Variants in EXOC4 observed in about 807,000 individuals in gnomAD.
EXOC4 encodes the protein SEC8-like 1.
In EXOC4, 71 loss-of-function variants were observed where a neutral mutation model predicts 107.2. That is an observed-to-expected ratio of 0.66 (90% CI 0.55 to 0.81). The LOEUF (loss-of-function observed/expected upper bound fraction) is 0.81, where lower values mean the gene tolerates loss of function less well. EXOC4 is among the 30% of genes least tolerant of loss of function. EXOC4 has a pLI of 0.00. For synonymous variants in EXOC4, 456 were observed against 441.2 expected, an observed-to-expected ratio of 1.03 and a Z score of -0.42; for missense variants, 1,108 against 1,189.6, an observed-to-expected ratio of 0.93 and a Z score of 1.01.
At chr7:133,839,546 C>T (rs1173483428) in intron 11 of EXOC4, among the ~76,000 whole-genome samples, 1 of 151,980 alleles carries the variant, frequency 6.6e-6, no homozygotes, top group South Asian at 2.1e-4. Context: ...ATTTGCCTAC[C>T]AGTAATAGGG....
chr7:133,957,834 A>G (rs986612549), intron 14 of EXOC4, among the ~76,000 whole-genome samples: 2 of 152,224 alleles, frequency 1.3e-5, no homozygotes, highest in African/African-American at 4.8e-5. Context: ...TTAATTAGCC[A>G]TGTTGCAATC....
chr7:133,669,004 A>ATTTTTTTTTTT (rs58354607), intron 10 of EXOC4, among the ~76,000 whole-genome samples: 2 of 118,450 alleles, frequency 1.7e-5, no homozygotes, highest in Non-Finnish European at 3.4e-5. Context: ...TGTTCTCCCA[A>ATTTTTTTTTTT]TTTTTTTTTT....
rs199530793 is a variant in EXOC4, at chr7:133,537,993, G to GT, written c.1417+57863dup. ...AGGAACAACTACAAGAGCTTTCCCT[G>GT]TTTTTTTTGGTATACTTTCTTGTGA... On this transcript the variant is annotated intron_variant, in intron 9 of 17. Transcript: ENST00000253861. Among the ~76,000 whole-genome samples the GT allele has an allele frequency of 6.3e-4, 96 of 151,826 alleles. 1 individual carries two copies. The highest frequency in any genetic ancestry group is 5.4e-3 in the East Asian group (28 of 5,166).
In EXOC4 at chr7:134,064,589, A is replaced by G; in HGVS notation, c.*61A>G. 2 of 1,153,976 alleles carry G rather than the reference A, an allele frequency of 1.7e-6. No homozygotes were observed. Among genetic ancestry groups the G allele is most frequent in the Non-Finnish European group, 2.5e-6 (2 of 807,614 alleles). The allele number at this position is 1,153,976 out of a possible 1,614,324, so 71.5% of individuals were successfully genotyped here. A position where few individuals can be genotyped will look rare whatever the true frequency, so the allele number is the denominator to read the frequency against. On this transcript the variant is annotated 3_prime_UTR_variant, in exon 18 of 18. Transcript: ENST00000253861. ...AGTCACACTCACTTTTTTCCTTGGT[A>G]TGTTATTGAGTATATTCTGAGCTTA...
intron 11 of EXOC4, among the ~76,000 whole-genome samples, chr7:133,855,331 A>C (rs1798352421): frequency 6.6e-6 from 1 of 151,238 alleles, no homozygotes; most frequent in Non-Finnish European, 1.5e-5. Context: ...GTTCCACAGC[A>C]GATTTCAACT....
chr7:134,026,599 T>C (rs1404168262), intron 17 of EXOC4, among the ~76,000 whole-genome samples: 1 of 151,592 alleles, frequency 6.6e-6, no homozygotes, highest in Non-Finnish European at 1.5e-5. Flanking sequence ...ATGTAGCTTA[T>C]AAATGAGTGG....
chr7:133,364,691 A>C (rs1057249339), intron 6 of EXOC4, among the ~76,000 whole-genome samples: 1 of 152,190 alleles, frequency 6.6e-6, no homozygotes, highest in Non-Finnish European at 1.5e-5. Context: ...TCTTTAGATA[A>C]CATCACAAAC....
chr7:133,255,776 C>T (rs1156609701), intron 1 of EXOC4, among the ~76,000 whole-genome samples: 4 of 151,858 alleles, frequency 2.6e-5, no homozygotes, highest in African/African-American at 7.3e-5. Flanking sequence ...ATTTTATAAA[C>T]AGTGGTAGTG....
chr7:133,404,888 ACACACACACACACACG>A (rs1358704706), intron 7 of EXOC4, among the ~76,000 whole-genome samples: 6 of 10,456 alleles, frequency 5.7e-4, no homozygotes, highest in African/African-American at 1.9e-3. Context: ...CCCCCAATAC[ACACACACACACACACG>A]CACACACACA....
chr7:133,457,406 C>T (rs1042329104), intron 7 of EXOC4, among the ~76,000 whole-genome samples: 1 of 152,132 alleles, frequency 6.6e-6, no homozygotes, highest in African/African-American at 2.4e-5. Flanking sequence ...TCTCATAACT[C>T]CTGATCAATA....
rs150104941 is a variant in EXOC4, at chr7:134,048,867, C to T, written c.2688-15424C>T. Among the ~76,000 whole-genome samples, 1,028 of 151,920 alleles carry T rather than the reference C, an allele frequency of 6.8e-3. 8 individuals are homozygous for T. The highest frequency in any genetic ancestry group is 0.023 in the African/African-American group (941 of 41,412). On this transcript the variant is annotated intron_variant, in intron 17 of 17. Coordinates refer to ENST00000253861, the MANE Select transcript of EXOC4 (RefSeq NM_021807.4). ...TCTAGAAGATTGGCGTGGTCTGGTA[C>T]TAGAAAAAAAAAATAGCCAAGTTGC...
chr7:133,838,338 G>C (rs1376331427), intron 11 of EXOC4, among the ~76,000 whole-genome samples: 1 of 152,056 alleles, frequency 6.6e-6, no homozygotes, highest in Admixed American at 6.6e-5. Context: ...TAGTCTCTAG[G>C]GGTATAAATT....
chr7:133,257,862 C>T (rs1795053886), intron 1 of EXOC4, among the ~76,000 whole-genome samples: 1 of 152,212 alleles, frequency 6.6e-6, no homozygotes, highest in Non-Finnish European at 1.5e-5. Flanking sequence ...GTATTTTGGT[C>T]AGCCCTGTGT....
chr7:133,887,412 A>C (rs1799109848), intron 11 of EXOC4, among the ~76,000 whole-genome samples: 1 of 152,174 alleles, frequency 6.6e-6, no homozygotes, highest in Non-Finnish European at 1.5e-5. Context: ...AGATGGACAA[A>C]AAGAAAAGAG....
intron 14 of EXOC4, among the ~76,000 whole-genome samples, chr7:133,940,913 C>G (rs1209806815): frequency 6.6e-6 from 1 of 151,990 alleles, no homozygotes; most frequent in Non-Finnish European, 1.5e-5. Context: ...TTTCTTGTTC[C>G]ACATTCTGTT....
intron 9 of EXOC4, among the ~76,000 whole-genome samples, chr7:133,547,897 T>G (rs957981332): frequency 3.3e-5 from 5 of 152,194 alleles, no homozygotes; most frequent in Admixed American, 3.3e-4. Context: ...TTTTGACCTC[T>G]TTCCATAAAC....
chr7:133,586,119 T>A (rs914235271), intron 9 of EXOC4, among the ~76,000 whole-genome samples: 1 of 142,426 alleles, frequency 7.0e-6, no homozygotes, highest in Non-Finnish European at 1.5e-5. Context: ...GGGGTACATA[T>A]ACAGGTTTGT....
At chr7:133,994,886 T>G (rs1024060385) in intron 14 of EXOC4, among the ~76,000 whole-genome samples, 3 of 152,146 alleles carry the variant, frequency 2.0e-5, no homozygotes. Context: ...GCTAGTTAAT[T>G]GCTTTTGTGG....
chr7:133,425,751 A>T (rs1015389032), intron 7 of EXOC4, among the ~76,000 whole-genome samples: 2 of 152,170 alleles, frequency 1.3e-5, no homozygotes, highest in Non-Finnish European at 1.5e-5. Flanking sequence ...TACAACCTGA[A>T]GGCTTCCTCT....
Sources: gnomAD v4.1 joint callset for allele counts (sites outside exome capture counted in the v4.1 genomes callset) on GRCh38, gnomAD v4.1.1 for gene constraint, MANE v1.5 for transcripts, NCBI Gene and HGNC (gene_info 2026-07-23, HGNC 2026-07-21) for gene names.